The following FARP1 variants were observed in gnomAD, a reference collection of about 807,000 sequenced individuals.
FARP1 encodes FERM, ARH/RhoGEF and pleckstrin domain protein 1.
Under a neutral mutation model 128.8 loss-of-function variants are expected in FARP1, and 52 were observed. The ratio of observed to expected loss-of-function variants is 0.40; its 90% confidence interval spans 0.32 to 0.51. The LOEUF (loss-of-function observed/expected upper bound fraction) is 0.51. FARP1 is among the 20% of genes least tolerant of loss of function. FARP1 has a pLI of 0.45. For synonymous variants in FARP1, 580 were observed against 551.8 expected (o/e 1.05, Z -0.72); for missense variants, 1,333 against 1,367.9 (o/e 0.97, Z 0.40).
At chr13:98,436,117 G>C in intron 19 of FARP1, 1 of 236,540 alleles carries the variant, frequency 4.2e-6, no homozygotes. Context: ...CAGGTATGAA[G>C]TGTTTTTTTA....
chr13:98,305,105 T>TAA (rs1491380519), intron 2 of FARP1, among the ~76,000 whole-genome samples: 3 of 33,586 alleles, frequency 8.9e-5, no homozygotes, highest in African/African-American at 4.8e-4. Context: ...TTTAAATGTG[T>TAA]ATATATATAT....
At chr13:98,379,578 T>G (rs1889810483) in intron 6 of FARP1, among the ~76,000 whole-genome samples, 3 of 152,082 alleles carry the variant, frequency 2.0e-5, no homozygotes, top group Non-Finnish European at 4.4e-5. Flanking sequence ...CAGTTGTCCT[T>G]TAATGTCCAT....
At chr13:98,372,051 G>A (rs1889354524) in intron 5 of FARP1, among the ~76,000 whole-genome samples, 1 of 151,458 alleles carries the variant, frequency 6.6e-6, no homozygotes, top group Non-Finnish European at 1.5e-5. Flanking sequence ...CAACGAGTGA[G>A]GGTCTTTGGA....
At chr13:98,435,730 G>A (rs1892235581) in intron 19 of FARP1, 24 bp downstream of exon 19, 1 of 1,612,128 alleles carries the variant, frequency 6.2e-7, no homozygotes, top group Non-Finnish European at 8.5e-7. Context: ...GCCTCACTAT[G>A]CACTGCGCGG....
chr13:98,410,347 T>C (rs1339557784), intron 14 of FARP1, among the ~76,000 whole-genome samples: 4 of 152,244 alleles, frequency 2.6e-5, no homozygotes, highest in African/African-American at 7.2e-5. Flanking sequence ...TTCCATGTCA[T>C]GAACACCAAC....
In FARP1 at chr13:98,437,754, C is replaced by T. The variant is rs370166290; in HGVS notation, c.2275-1050C>T. Reference sequence around the variant, plus strand: ...TCCGCTTTGTCTTTTTGCTTTCTCTCGGTCCCACCAGCCTGGCTCCTTTTC... The same window carrying T: ...TCCGCTTTGTCTTTTTGCTTTCTCTTGGTCCCACCAGCCTGGCTCCTTTTC... On this transcript the variant is annotated intron_variant, in intron 19 of 26. Coordinates refer to ENST00000319562, the MANE Select transcript of FARP1 (RefSeq NM_005766.4). The T allele has an allele frequency of 2.0e-5, 26 of 1,329,400 alleles. No homozygotes were observed. The East Asian group carries it at 2.1e-4, about 11-fold the overall frequency. The allele number at this position is 1,329,400 out of a possible 1,614,324, so 82.4% of individuals were successfully genotyped here.
At chr13:98,162,313 C>G (rs1251745464) in intron 1 of FARP1, among the ~76,000 whole-genome samples, 1 of 152,172 alleles carries the variant, frequency 6.6e-6, no homozygotes, top group Non-Finnish European at 1.5e-5. Context: ...TGGCATAGGA[C>G]AGATTTCTAA....
chr13:98,453,244 G>A lies in FARP1; in HGVS notation c.*4927G>A. ...AAGAGAGAGAGAGAAGTCAACACAT[G>A]TCATTTCTCATCCCTGTGCAAAAAT... On this transcript the variant is annotated 3_prime_UTR_variant, in exon 27 of 27. Transcript: ENST00000319562. 6 of 1,604,826 alleles carry A rather than the reference G, an allele frequency of 3.7e-6. No homozygotes were observed. Among genetic ancestry groups the A allele is most frequent in the Non-Finnish European group, 5.1e-6 (6 of 1,175,522 alleles).
intron 2 of FARP1, among the ~76,000 whole-genome samples, chr13:98,264,390 C>T (rs1480666176): frequency 6.6e-6 from 1 of 152,218 alleles, no homozygotes; most frequent in African/African-American, 2.4e-5. Context: ...TCACTTCGTC[C>T]CGCCAGGGAC....
chr13:98,303,644 C>G (rs1886011309), intron 2 of FARP1, among the ~76,000 whole-genome samples: 1 of 152,152 alleles, frequency 6.6e-6, no homozygotes, highest in Non-Finnish European at 1.5e-5. Flanking sequence ...CTGAAATGCT[C>G]AACATACAAA....
chr13:98,347,057 C>T (rs1888206943), intron 3 of FARP1, among the ~76,000 whole-genome samples: 1 of 152,154 alleles, frequency 6.6e-6, no homozygotes, highest in African/African-American at 2.4e-5. Context: ...TGCCACAGGC[C>T]AGTCTTGCTT....
intron 2 of FARP1, among the ~76,000 whole-genome samples, chr13:98,310,140 A>G (rs1053384113): frequency 7.3e-5 from 11 of 151,668 alleles, no homozygotes; most frequent in African/African-American, 2.7e-4. Flanking sequence ...CTTCAGGGAA[A>G]TAAAGACACA....
chr13:98,255,586 G>T (rs1186825256), intron 2 of FARP1, among the ~76,000 whole-genome samples: 7 of 152,146 alleles, frequency 4.6e-5, no homozygotes, highest in Non-Finnish European at 8.8e-5. Context: ...ATGAAACAAT[G>T]CTCTTTTTAA....
chr13:98,339,295 G>C (rs533774968), intron 2 of FARP1, among the ~76,000 whole-genome samples: 2 of 152,270 alleles, frequency 1.3e-5, no homozygotes, highest in South Asian at 2.1e-4. Context: ...GTTTTACCAT[G>C]GTGGAGCAGA....
At chr13:98,409,278 A>C in intron 13 of FARP1, 60 bp from the exon 14 acceptor site, 3 of 1,354,044 alleles carry the variant, frequency 2.2e-6, no homozygotes, top group Non-Finnish European at 3.0e-6. Context: ...TAGTGAATAG[A>C]AATCAGGTCC....
intron 6 of FARP1, 177 bp from the exon 7 acceptor site, chr13:98,384,553 C>T (rs1224689712): frequency 3.3e-6 from 2 of 603,644 alleles, no homozygotes; most frequent in Non-Finnish European, 5.9e-6. Context: ...CTCACATCAC[C>T]ACAATTGATA....
chr13:98,328,853 G>A (rs1887349311), intron 2 of FARP1: 1 of 152,202 alleles, frequency 6.6e-6, no homozygotes, highest in South Asian at 2.1e-4. Flanking sequence ...AGGACGGCGA[G>A]AGATTTCCTC....
chr13:98,379,513 A>G (rs1889808184), intron 6 of FARP1, among the ~76,000 whole-genome samples: 1 of 151,914 alleles, frequency 6.6e-6, no homozygotes, highest in Non-Finnish European at 1.5e-5. Context: ...CTTTTGGAAC[A>G]TGAGAATAAT....
intron 23 of FARP1, 130 bp from the exon 24 acceptor site, chr13:98,440,540 A>G: frequency 1.1e-6 from 1 of 915,170 alleles, no homozygotes; most frequent in Non-Finnish European, 1.6e-6. Context: ...TCGAGGCCTC[A>G]TTAGATTCTG....
Sources: allele counts gnomAD v4.1 joint callset (sites outside exome capture counted in the v4.1 genomes callset), GRCh38; gene constraint gnomAD v4.1.1; transcripts MANE v1.5; gene names NCBI Gene and HGNC (gene_info 2026-07-23, HGNC 2026-07-21).